The following LARP4B variants were observed in gnomAD, a reference collection of about 807,000 sequenced individuals.
LARP4B encodes La ribonucleoprotein 4B, also known as la-related protein 4B.
A neutral mutation model predicts 89.8 loss-of-function variants in LARP4B; 12 were observed. The ratio of observed to expected loss-of-function variants is 0.13; its 90% CI spans 0.09 to 0.22. The LOEUF (loss-of-function observed/expected upper bound fraction) is 0.22. Ranked by LOEUF, LARP4B falls within the 10% of genes least tolerant of loss-of-function variation. The pLI is 1.00. For missense variants in LARP4B, 757 were observed against 947.7 expected (o/e 0.80, Z 2.64); for synonymous variants, 367 against 363.3 (o/e 1.01, Z -0.12).
chr10:938,075 G>A, the LARP4B span, among the ~76,000 whole-genome samples: 1 of 151,320 alleles, frequency 6.6e-6, no homozygotes, highest in African/African-American at 2.4e-5. Flanking sequence ...TAGTAGACAG[G>A]GTTTCTTCAT....
At chr10:879,012 C>T (rs1835568211) in intron 3 of LARP4B, among the ~76,000 whole-genome samples, 1 of 152,198 alleles carries the variant, frequency 6.6e-6, no homozygotes, top group Non-Finnish European at 1.5e-5. Context: ...ATCTGTCACA[C>T]TTCCACAACA....
chr10:845,654 TC>T (rs2131744111), intron 5 of LARP4B, among the ~76,000 whole-genome samples: 1 of 152,266 alleles, frequency 6.6e-6, no homozygotes, highest in East Asian at 1.9e-4. Flanking sequence ...GGAAGAAATT[TC>T]TAAGAAGATG....
intron 3 of LARP4B, among the ~76,000 whole-genome samples, chr10:869,121 GA>G (rs1835059134): frequency 6.6e-6 from 1 of 152,134 alleles, no homozygotes; most frequent in East Asian, 1.9e-4. Context: ...TTCTGAAAAA[GA>G]AAGAGCTCCA....
At chr10:914,793 T>C (rs1453658542) in intron 1 of LARP4B, among the ~76,000 whole-genome samples, 1 of 147,396 alleles carries the variant, frequency 6.8e-6, no homozygotes, top group Non-Finnish European at 1.5e-5. Flanking sequence ...AGAGGTAGAC[T>C]CAGCGCCCCA....
At chr10:917,580 G>A (rs768698686) in intron 1 of LARP4B, among the ~76,000 whole-genome samples, 1 of 152,136 alleles carries the variant, frequency 6.6e-6, no homozygotes, top group Non-Finnish European at 1.5e-5. Context: ...TTGTTTACAT[G>A]GCTCCTTTAC....
intron 5 of LARP4B, among the ~76,000 whole-genome samples, chr10:849,342 A>C (rs1833929985): frequency 6.6e-6 from 1 of 152,130 alleles, no homozygotes; most frequent in East Asian, 1.9e-4. Context: ...AAATAACCAC[A>C]AAAAAACCCT....
At chr10:943,531 A>T in the LARP4B span, among the ~76,000 whole-genome samples, 1 of 151,808 alleles carries the variant, frequency 6.6e-6, no homozygotes, top group Non-Finnish European at 1.5e-5. Flanking sequence ...CTGGGCCCAG[A>T]TGATCCTCCC....
intron 5 of LARP4B, among the ~76,000 whole-genome samples, chr10:849,658 G>A (rs768477157): frequency 6.6e-6 from 1 of 152,182 alleles, no homozygotes; most frequent in Non-Finnish European, 1.5e-5. Flanking sequence ...AGTACAACAT[G>A]GAAATGGGGA....
the LARP4B span, among the ~76,000 whole-genome samples, chr10:974,039 C>T: frequency 6.6e-6 from 1 of 152,148 alleles, no homozygotes; most frequent in Non-Finnish European, 1.5e-5. Flanking sequence ...ACTTGACAAA[C>T]ATCAACAGCT....
the LARP4B span, among the ~76,000 whole-genome samples, chr10:954,286 G>A: frequency 2.0e-5 from 3 of 152,138 alleles, no homozygotes; most frequent in Admixed American, 1.3e-4. The surrounding 1 kb of genome is among the most constrained non-coding windows in gnomAD (Gnocchi z 5.0). Flanking sequence ...CCACCAGCCC[G>A]TCTTTTATGG....
At chr10:887,566 C>A (rs938000018) in intron 1 of LARP4B, among the ~76,000 whole-genome samples, 8 of 151,104 alleles carry the variant, frequency 5.3e-5, no homozygotes, top group African/African-American at 2.0e-4. Flanking sequence ...TAAAAACTAG[C>A]CAGGAACGGT....
At chr10:908,235 G>T (rs187148687) in intron 1 of LARP4B, among the ~76,000 whole-genome samples, 2 of 152,060 alleles carry the variant, frequency 1.3e-5, no homozygotes, top group Admixed American at 6.6e-5. Context: ...AAAAGGACTC[G>T]GTTTGGGGAG....
intron 1 of LARP4B, among the ~76,000 whole-genome samples, chr10:893,252 G>A (rs1158713732): frequency 6.6e-6 from 1 of 151,900 alleles, no homozygotes; most frequent in Non-Finnish European, 1.5e-5. Flanking sequence ...CAGTAGGCTT[G>A]TTCTTTGAGG....
Position 814,104 on chromosome 10 carries a change from TTTATTA to T in LARP4B, c.1929+632_1929+637del, listed in dbSNP as rs545906557. 3.5e-4 allele frequency among the ~76,000 whole-genome samples: 53 copies of T among 151,450 alleles called. No individual in the cohort carries two copies. Among genetic ancestry groups the T allele is most frequent in the Middle Eastern group, 6.8e-3 (2 of 294 alleles). ...GCGTGAGCCACAGCACCTGGCCTCT[TTTATTA>T]TTATTATTATTTATTATTAAAATTA... On this transcript the variant is annotated intron_variant, in intron 17 of 17. Coordinates refer to ENST00000316157, the MANE Select transcript of LARP4B (RefSeq NM_015155.3). The surrounding 1 kb of genome is among the most constrained non-coding windows in gnomAD (Gnocchi z 4.4).
chr10:963,886 C>G, the LARP4B span, among the ~76,000 whole-genome samples: 1 of 152,170 alleles, frequency 6.6e-6, no homozygotes, highest in African/African-American at 2.4e-5. Flanking sequence ...CAAACAACCC[C>G]CATATGGCCC....
intron 3 of LARP4B, 59 bp downstream of exon 3, chr10:884,388 G>T: frequency 9.0e-7 from 1 of 1,111,860 alleles, no homozygotes; most frequent in Non-Finnish European, 1.4e-6. Flanking sequence ...TCTTAAGGAA[G>T]TATCTCTGAG....
chr10:892,380 C>T (rs1340968660), intron 1 of LARP4B, among the ~76,000 whole-genome samples: 1 of 152,128 alleles, frequency 6.6e-6, no homozygotes, highest in Non-Finnish European at 1.5e-5. Context: ...AAATCAGTTT[C>T]TAAAAATTTC....
intron 1 of LARP4B, among the ~76,000 whole-genome samples, chr10:913,368 C>T (rs1378496404): frequency 1.3e-5 from 2 of 152,160 alleles, no homozygotes; most frequent in Non-Finnish European, 2.9e-5. Context: ...ATATGAAACA[C>T]CTCTAATTAA....
the LARP4B span, among the ~76,000 whole-genome samples, chr10:978,514 G>C: frequency 6.6e-6 from 1 of 151,670 alleles, no homozygotes; most frequent in Non-Finnish European, 1.5e-5. Context: ...AACCATTTTA[G>C]ATTTTTTTCT....
Sources: allele counts gnomAD v4.1 joint callset (sites outside exome capture counted in the v4.1 genomes callset), GRCh38; gene constraint gnomAD v4.1.1; non-coding constraint Gnocchi (gnomAD v3.1); transcripts MANE v1.5; gene names NCBI Gene and HGNC (gene_info 2026-07-23, HGNC 2026-07-21).